AFF2: variants seen among roughly 807,000 people sequenced by gnomAD.
AFF2 encodes ALF transcription elongation factor 2, also known as AF4/FMR2 family member 2.
A neutral mutation model predicts 76.9 loss-of-function variants in AFF2; 14 were observed. The observed-to-expected ratio is 0.18, with a 90% CI of 0.12 to 0.28. AFF2 has a LOEUF of 0.28. Among genes scored for constraint, AFF2 ranks in the 10% least tolerant of loss-of-function variants. The pLI is 1.00. For missense variants in AFF2, 868 were observed against 1,001.1 expected (o/e 0.87, Z 1.79); for synonymous variants, 398 against 366.7 (o/e 1.09, Z -0.98).
chrX:148,990,192 C>A (rs1275013692), intron 20 of AFF2, among the ~76,000 whole-genome samples: 6 of 112,074 alleles, frequency 5.4e-5, no homozygotes, highest in Non-Finnish European at 9.4e-5. Flanking sequence ...TTATATATAA[C>A]ATGAAGAGTA....
At chrX:148,740,555 C>G (rs1603292085) in intron 3 of AFF2, among the ~76,000 whole-genome samples, 1 of 112,014 alleles carries the variant, frequency 8.9e-6, no homozygotes, top group African/African-American at 3.3e-5. Flanking sequence ...CCCTTCACTT[C>G]TTGTATCATT....
At chrX:148,986,342 T>C (rs1050409250) in intron 19 of AFF2, among the ~76,000 whole-genome samples, 1 of 112,310 alleles carries the variant, frequency 8.9e-6, no homozygotes, top group African/African-American at 3.2e-5. Flanking sequence ...CAGACCTTGC[T>C]TTAGTGACTG....
chrX:148,922,576 C>T (rs1417431671), intron 9 of AFF2, among the ~76,000 whole-genome samples: 1 of 112,299 alleles, frequency 8.9e-6, no homozygotes, highest in Non-Finnish European at 1.9e-5. Context: ...TTTCATCTTG[C>T]TCTCTTATAT....
intron 1 of AFF2, among the ~76,000 whole-genome samples, chrX:148,645,905 A>G (rs1433869759): frequency 3.6e-5 from 4 of 111,928 alleles, no homozygotes; most frequent in Non-Finnish European, 7.5e-5. Context: ...TGAGCACAGT[A>G]TATCATAGGA....
At chrX:148,791,362 G>A (rs2069892423) in intron 3 of AFF2, among the ~76,000 whole-genome samples, 1 of 111,407 alleles carries the variant, frequency 9.0e-6, no homozygotes, top group South Asian at 3.8e-4. Context: ...AAAACCATCA[G>A]ATCTCATGAG....
chrX:148,904,096 C>T, intron 8 of AFF2, 125 bp from the exon 9 acceptor site: 2 of 505,818 alleles, frequency 4.0e-6, no homozygotes, highest in Admixed American at 3.4e-5. Flanking sequence ...TTATCTACAG[C>T]ACCCTGTTTC....
At chrX:148,523,400 T>C (rs1557234765) in intron 1 of AFF2, among the ~76,000 whole-genome samples, 1 of 112,026 alleles carries the variant, frequency 8.9e-6, no homozygotes, top group Admixed American at 9.5e-5. Context: ...ATTAATTAAC[T>C]CAGAAGCATG....
At chrX:148,794,068 C>T (rs2069935516) in intron 3 of AFF2, among the ~76,000 whole-genome samples, 1 of 112,179 alleles carries the variant, frequency 8.9e-6, no homozygotes, top group Non-Finnish European at 1.9e-5. Flanking sequence ...ATGCTTTCGG[C>T]CTCTGCTGCA....
intron 3 of AFF2, among the ~76,000 whole-genome samples, chrX:148,679,752 C>A (rs5980383): frequency 0.046 from 5,126 of 111,210 alleles, 306 homozygotes; most frequent in African/African-American, 0.16. Context: ...CAAATGGAAG[C>A]TCTACTACCC....
intron 5 of AFF2, among the ~76,000 whole-genome samples, chrX:148,841,709 G>A (rs1040542527): frequency 1.8e-5 from 2 of 111,792 alleles, no homozygotes; most frequent in African/African-American, 6.5e-5. Flanking sequence ...TGTGCCTCTA[G>A]AACTATTTCC....
intron 1 of AFF2, among the ~76,000 whole-genome samples, chrX:148,590,443 A>G (rs2053512665): frequency 9.0e-6 from 1 of 111,488 alleles, no homozygotes; most frequent in Non-Finnish European, 1.9e-5. Context: ...CATAGTCTCT[A>G]CATGCTTTTA....
chrX:148,888,969 G>A (rs1446185222), intron 8 of AFF2, among the ~76,000 whole-genome samples: 2 of 111,492 alleles, frequency 1.8e-5, no homozygotes, highest in Non-Finnish European at 3.8e-5. Flanking sequence ...GGCTGCATTC[G>A]TGCAGACATA....
intron 19 of AFF2, among the ~76,000 whole-genome samples, chrX:148,986,785 G>A (rs907714364): frequency 2.7e-5 from 3 of 113,127 alleles, no homozygotes; most frequent in African/African-American, 6.4e-5. Context: ...GCTGATAGCC[G>A]TTCCAGCAGC....
At chrX:148,639,473 G>A (rs1402877762) in intron 1 of AFF2, among the ~76,000 whole-genome samples, 1 of 111,745 alleles carries the variant, frequency 8.9e-6, no homozygotes, top group Non-Finnish European at 1.9e-5. Flanking sequence ...TTGTATTAAG[G>A]CCCAGTGCTA....
Position 148,954,826 on chromosome X carries a change from T to C in AFF2, c.1558-777T>C, listed in dbSNP as rs933357452. 3.6e-5 allele frequency among the ~76,000 whole-genome samples: 4 copies of C among 111,979 alleles called. No homozygotes were observed. The Admixed American group carries it at 3.8e-4, about 11-fold the overall frequency. ...ATCACAACTACTCAAGTGTTTTTAA[T>C]TCTGTCACCCTCTATTGGCTGGTAC... On this transcript the variant is annotated intron_variant, in intron 10 of 20. Coordinates refer to ENST00000370460, the MANE Select transcript of AFF2 (RefSeq NM_002025.4).
intron 1 of AFF2, among the ~76,000 whole-genome samples, chrX:148,523,424 G>C (rs913490576): frequency 2.7e-5 from 3 of 111,893 alleles, no homozygotes; most frequent in African/African-American, 9.7e-5. Flanking sequence ...ACTCTAAAAA[G>C]TTTGTTAATC....
At chrX:148,714,306 A>G (rs2055002763) in intron 3 of AFF2, among the ~76,000 whole-genome samples, 1 of 112,117 alleles carries the variant, frequency 8.9e-6, no homozygotes, top group South Asian at 3.7e-4. Context: ...AGTAAGATTT[A>G]GGGTATGTGT....
chrX:148,699,237 G>A (rs1557261596), intron 3 of AFF2, among the ~76,000 whole-genome samples: 1 of 111,981 alleles, frequency 8.9e-6, no homozygotes, highest in African/African-American at 3.3e-5. Flanking sequence ...GATAAAGCAA[G>A]TGAGTGTGTT....
At chrX:148,904,163 A>G in intron 8 of AFF2, 58 bp from the exon 9 acceptor site, 1 of 695,182 alleles carries the variant, frequency 1.4e-6, no homozygotes, top group Non-Finnish European at 2.3e-6. Context: ...TTTGGTAGCT[A>G]GTTGCAATGA....
Sources: allele counts gnomAD v4.1 joint callset (sites outside exome capture counted in the v4.1 genomes callset), GRCh38; gene constraint gnomAD v4.1.1; transcripts MANE v1.5; gene names NCBI Gene and HGNC (gene_info 2026-07-23, HGNC 2026-07-21).